The following SNX8 variants were observed in gnomAD, a reference collection of about 807,000 sequenced individuals.
SNX8 encodes the protein sorting nexin 8, also known as sorting nexin-8.
In SNX8, 25 loss-of-function variants were observed where a neutral mutation model predicts 51.6. That is an observed-to-expected ratio of 0.48 (90% confidence interval 0.35 to 0.68). The LOEUF is 0.68. Among genes scored for constraint, SNX8 ranks in the 30% least tolerant of loss-of-function variants. SNX8 has a pLI of 0.00. For synonymous variants in SNX8, 324 were observed against 277.0 expected, an observed-to-expected ratio of 1.17 and a Z score of -1.68; for missense variants, 695 against 624.0, an observed-to-expected ratio of 1.11 and a Z score of -1.21.
rs756216898 is a variant in SNX8, at chr7:2,256,867, G to T, written c.1284+7C>A. ...CCGAGACGGCGGCCGGAGCAGGGCG[G>T]ACTCACCTCCTTGTGCCCTTGGATC... On this transcript the variant is annotated splice_region_variant and intron_variant, in intron 10 of 10. Transcript: ENST00000222990. The T allele has an allele frequency of 6.2e-7, 1 of 1,609,004 alleles. No homozygotes were observed. Among genetic ancestry groups the T allele is most frequent in the Non-Finnish European group, 8.5e-7 (1 of 1,177,162 alleles).
chr7:2,290,763 CA>C (rs1184040959), intron 1 of SNX8, among the ~76,000 whole-genome samples: 2 of 152,138 alleles, frequency 1.3e-5, no homozygotes, highest in East Asian at 3.9e-4. Context: ...AGAACGTAGT[CA>C]ACAGACCCTG....
chr7:2,260,447 C>A (rs1043748588), intron 7 of SNX8, among the ~76,000 whole-genome samples: 5 of 152,110 alleles, frequency 3.3e-5, no homozygotes, highest in African/African-American at 7.2e-5. Flanking sequence ...CTGGGCCACA[C>A]GCAGCCTGTG....
intron 1 of SNX8, among the ~76,000 whole-genome samples, chr7:2,284,398 T>A (rs909786854): frequency 1.5e-5 from 2 of 133,488 alleles, no homozygotes; most frequent in Non-Finnish European, 3.2e-5. Flanking sequence ...TTTATTTCCT[T>A]TTTTTTTTTT....
At chr7:2,271,238 C>T (rs757530614) in intron 4 of SNX8, among the ~76,000 whole-genome samples, 1 of 152,224 alleles carries the variant, frequency 6.6e-6, no homozygotes, top group Non-Finnish European at 1.5e-5. Flanking sequence ...GACGAAGTCT[C>T]GCTATGTTGT....
intron 1 of SNX8, among the ~76,000 whole-genome samples, chr7:2,330,440 T>A (rs1421540631): frequency 1.3e-5 from 2 of 151,990 alleles, no homozygotes; most frequent in African/African-American, 4.8e-5. Context: ...CCCAGCCCTT[T>A]TGCAATATCC....
chr7:2,261,836 C>T (rs1795344073), intron 7 of SNX8, among the ~76,000 whole-genome samples: 1 of 152,232 alleles, frequency 6.6e-6, no homozygotes, highest in Admixed American at 6.5e-5. Flanking sequence ...CCTGAGCGCC[C>T]CGTTTCCAGC....
upstream of SNX8, among the ~76,000 whole-genome samples, chr7:2,316,605 G>A (rs373195980): frequency 1.3e-3 from 83 of 64,640 alleles, 2 homozygotes; most frequent in African/African-American, 4.8e-3. Context: ...ACTCACTCAC[G>A]CACTGCATCC....
intron 1 of SNX8, among the ~76,000 whole-genome samples, chr7:2,338,752 A>G (rs1456373571): frequency 6.6e-6 from 1 of 152,154 alleles, no homozygotes; most frequent in African/African-American, 2.4e-5. Flanking sequence ...AGAATTCAGC[A>G]GGATTTTTTG....
chr7:2,312,967 G>C (rs1340317725), intron 1 of SNX8, among the ~76,000 whole-genome samples: 2 of 151,928 alleles, frequency 1.3e-5, no homozygotes, highest in African/African-American at 4.8e-5. Flanking sequence ...GCGCTATCTC[G>C]GCTCACTACA....
intron 5 of SNX8, among the ~76,000 whole-genome samples, chr7:2,268,733 T>G (rs1584680164): frequency 2.0e-4 from 2 of 10,212 alleles, no homozygotes; most frequent in Non-Finnish European, 4.0e-4. Context: ...GTGGGGGGGG[T>G]CAGCCCCCCA....
In SNX8 at chr7:2,308,665, CAAAAAAAAAAAAA is replaced by C. The variant is rs756364188; in HGVS notation, c.94+5650_94+5662del. On this transcript the variant is annotated intron_variant, in intron 1 of 10. Coordinates refer to ENST00000222990, the MANE Select transcript of SNX8 (RefSeq NM_013321.4). ...TGGGCAACAGAGTGAGACTCTGTCT[CAAAAAAAAAAAAA>C]AAAAAAAAAGGGTCATGGAAGGGAG... Among the ~76,000 whole-genome samples the C allele has an allele frequency of 7.9e-5, 5 of 63,116 alleles. 1 individual carries two copies. The highest frequency in any genetic ancestry group is 3.3e-4 in the African/African-American group (5 of 15,206). The allele number at this position is 63,116 out of a possible 152,430, so 41.4% of individuals were successfully genotyped here. A position where few individuals can be genotyped will look rare whatever the true frequency, so the allele number is the denominator to read the frequency against.
intron 1 of SNX8, among the ~76,000 whole-genome samples, chr7:2,335,706 G>T (rs985382117): frequency 6.6e-6 from 1 of 151,618 alleles, no homozygotes; most frequent in African/African-American, 2.4e-5. Flanking sequence ...GGGAGGCTGA[G>T]GCAGGCGAAT....
intron 1 of SNX8, among the ~76,000 whole-genome samples, chr7:2,300,193 AC>A (rs1370024679): frequency 5.9e-5 from 9 of 152,198 alleles, no homozygotes; most frequent in African/African-American, 2.2e-4. Context: ...CTGGTGTCTT[AC>A]AGACCCCAAA....
rs1038695822 is a variant in SNX8 at position 2,298,251 on chromosome 7, G to A, written c.94+16077C>T. Reference sequence around the variant, plus strand: ...TCCTGCCTCAGACTCCCGAGTAGCCGGGGCTACAGGCCTGCCCCATCATGT... The same window carrying A: ...TCCTGCCTCAGACTCCCGAGTAGCCAGGGCTACAGGCCTGCCCCATCATGT... On this transcript the variant is annotated intron_variant, in intron 1 of 10. Coordinates refer to ENST00000222990, the MANE Select transcript of SNX8 (RefSeq NM_013321.4). Among the ~76,000 whole-genome samples, 45 of 151,996 alleles carry A rather than the reference G, an allele frequency of 3.0e-4. 1 individual carries two copies. The highest frequency in any genetic ancestry group is 9.4e-4 in the African/African-American group (39 of 41,306).
Position 2,314,399 on chromosome 7 carries a change from G to T in SNX8, c.23C>A (p.Pro8Gln), listed in dbSNP as rs146149554. The T allele has an allele frequency of 6.6e-6, 8 of 1,219,516 alleles. No individual in the cohort carries two copies. The highest frequency in any genetic ancestry group is 3.3e-5 in the East Asian group (1 of 30,614). 75.5% of individuals were successfully genotyped at this position (1,219,516 alleles called of 1,614,324 possible). A position where few individuals can be genotyped will look rare whatever the true frequency, so the allele number is the denominator to read the frequency against. The change falls in exon 1 of 11, where the codon CCG (proline) becomes CAG (glutamine). Residue 8 changes from proline to glutamine, a missense_variant. Physicochemically the swap from Pro to Gln is moderately conservative, Grantham distance 76. Coordinates refer to ENST00000222990, the MANE Select transcript of SNX8 (RefSeq NM_013321.4). ...CGCCCCGACTGCAGCCGCGGGCAGC[G>T]GGTCCATCGCGCGGCCAGTCATGTG... is the stretch of plus-strand genomic sequence containing the variant. Reference protein sequence around the residue: MTGRAMDPLPAAAVGAAA... With the variant: MTGRAMDQLPAAAVGAAA...
chr7:2,282,582 C>T (rs1226048754), intron 1 of SNX8, among the ~76,000 whole-genome samples: 2 of 152,208 alleles, frequency 1.3e-5, no homozygotes, highest in African/African-American at 2.4e-5. Flanking sequence ...GTGTCTTTCA[C>T]CAGGAACTTC....
chr7:2,284,795 G>A (rs994442789), intron 1 of SNX8, among the ~76,000 whole-genome samples: 11 of 152,222 alleles, frequency 7.2e-5, no homozygotes, highest in Admixed American at 4.6e-4. Flanking sequence ...AAGACAGTCC[G>A]CAGATGTCTT....
chr7:2,308,780 A>ATTTTT (rs755533735), intron 1 of SNX8, among the ~76,000 whole-genome samples: 1 of 136,044 alleles, frequency 7.4e-6, no homozygotes, highest in Non-Finnish European at 1.6e-5. Context: ...AAATGAACAA[A>ATTTTT]TTTTTTTTTT....
chr7:2,315,298 C>T (rs534723889), upstream of SNX8, among the ~76,000 whole-genome samples: 1 of 150,018 alleles, frequency 6.7e-6, no homozygotes, highest in East Asian at 2.0e-4. Context: ...TCACTCACTG[C>T]ATCCTGCATT....
Sources: allele counts gnomAD v4.1 joint callset (sites outside exome capture counted in the v4.1 genomes callset), GRCh38; gene constraint gnomAD v4.1.1; transcripts MANE v1.5; gene names NCBI Gene and HGNC (gene_info 2026-07-23, HGNC 2026-07-21).